The following ST7L variants were observed in gnomAD, a reference collection of about 807,000 sequenced individuals.
ST7L encodes the protein suppressor of tumorigenicity 7 protein-like.
Under a neutral mutation model 72.5 loss-of-function variants are expected in ST7L, and 57 were observed. The observed-to-expected ratio is 0.79, with a 90% CI of 0.64 to 0.98. The LOEUF is 0.98. ST7L is among the 50% of genes least tolerant of loss of function. The pLI is 0.00. For synonymous variants in ST7L, 221 were observed against 240.9 expected (o/e 0.92, Z 0.77); for missense variants, 576 against 672.2 (o/e 0.86, Z 1.58).
intron 6 of ST7L, among the ~76,000 whole-genome samples, chr1:112,587,691 T>C (rs1665070103): frequency 6.6e-6 from 1 of 152,240 alleles, no homozygotes; most frequent in Non-Finnish European, 1.5e-5. Flanking sequence ...GATCTAGGTG[T>C]CTATCCTTGT....
chr1:112,553,854 G>A (rs773022770), intron 12 of ST7L, among the ~76,000 whole-genome samples: 2 of 152,180 alleles, frequency 1.3e-5, no homozygotes, highest in African/African-American at 2.4e-5. Context: ...AGTGATATCT[G>A]ACAGATGTTG....
chr1:112,575,046 A>G (rs545840421), intron 11 of ST7L, among the ~76,000 whole-genome samples: 2 of 151,990 alleles, frequency 1.3e-5, no homozygotes, highest in South Asian at 4.2e-4. Context: ...AGACCATACT[A>G]GCTAACATGG....
At chr1:112,599,073 A>AAAAAAAAAATATAT (rs1190968815) in intron 4 of ST7L, among the ~76,000 whole-genome samples, 8 of 57,002 alleles carry the variant, frequency 1.4e-4, no homozygotes, top group Non-Finnish European at 2.5e-4. Context: ...AAAAAAAAAA[A>AAAAAAAAAATATAT]ATATATATAT....
chr1:112,566,600 A>C lies in ST7L; in HGVS notation c.1245+10386T>G, dbSNP rs532034057. On this transcript the variant is annotated intron_variant, in intron 11 of 14. Coordinates refer to ENST00000358039, the MANE Select transcript of ST7L (RefSeq NM_017744.5). ...GCATGAGCCACTGCGCCTGGCCATC[A>C]AAACGTATCTTCTTTCACTCCAGGA... 2.0e-5 allele frequency among the ~76,000 whole-genome samples: 3 copies of C among 152,218 alleles called. No homozygotes were observed. In the South Asian group the frequency reaches 6.2e-4, roughly 32 times the overall value.
intron 3 of ST7L, among the ~76,000 whole-genome samples, chr1:112,604,389 A>G (rs1667878336): frequency 1.3e-5 from 2 of 152,144 alleles, no homozygotes; most frequent in Non-Finnish European, 2.9e-5. Context: ...TCTAAAGGCC[A>G]AAGTTTCATC....
intron 12 of ST7L, among the ~76,000 whole-genome samples, chr1:112,550,947 T>A (rs530245109): frequency 1.6e-4 from 24 of 152,182 alleles, no homozygotes; most frequent in Non-Finnish European, 3.1e-4. Flanking sequence ...CTTCTTTGCT[T>A]CATTCAGTCT....
At chr1:112,551,664 C>A (rs945530459) in intron 12 of ST7L, among the ~76,000 whole-genome samples, 4 of 152,196 alleles carry the variant, frequency 2.6e-5, no homozygotes, top group Admixed American at 2.6e-4. Context: ...TAGTCCCTTG[C>A]AGGAAAAGTT....
Position 112,537,763 on chromosome 1 carries a change from A to G in ST7L, c.1629+4188T>C, listed in dbSNP as rs1250402591. 4.6e-5 allele frequency among the ~76,000 whole-genome samples: 7 copies of G among 152,192 alleles called. No individual in the cohort carries two copies. In the East Asian group the frequency reaches 1.3e-3, roughly 29 times the overall value. ...CCAGGGATTTATGCAACACTTTTTCATTGCTCTGTGTCTAATGTCAGACTA... is the reference window on the plus strand; with the variant it reads ...CCAGGGATTTATGCAACACTTTTTCGTTGCTCTGTGTCTAATGTCAGACTA... On this transcript the variant is annotated intron_variant, in intron 14 of 14. Coordinates refer to ENST00000358039, the MANE Select transcript of ST7L (RefSeq NM_017744.5).
At chr1:112,521,125 T>C (rs1652845330), downstream of ST7L, 1 of 153,246 alleles carries the variant, frequency 6.5e-6, no homozygotes, top group Non-Finnish European at 1.5e-5. Flanking sequence ...CAAACACACA[T>C]TCATTCTCTC....
downstream of ST7L, chr1:112,520,592 C>T: frequency 2.2e-6 from 3 of 1,375,644 alleles, no homozygotes; most frequent in Non-Finnish European, 3.0e-6. Context: ...CCTTCCTCCA[C>T]CCTCCACCCT....
rs777969643 is a variant in ST7L at position 112,565,211 on chromosome 1, A to ATTTTTT, written c.1246-9199_1246-9194dup. Among the ~76,000 whole-genome samples, 367 of 57,946 alleles carry ATTTTTT rather than the reference A, an allele frequency of 6.3e-3. 19 individuals are homozygous for ATTTTTT. The highest frequency in any genetic ancestry group is 0.022 in the African/African-American group (257 of 11,646). 38.0% of individuals were successfully genotyped at this position (57,946 alleles called of 152,430 possible). On this transcript the variant is annotated intron_variant, in intron 11 of 14. Coordinates refer to ENST00000358039, the MANE Select transcript of ST7L (RefSeq NM_017744.5). ...AGGCGCCCACCACCATGTTCGGCTAATTTTTTTTTTTTTTTTTTTTTTTTT... is the reference window on the plus strand; with the variant it reads ...AGGCGCCCACCACCATGTTCGGCTAATTTTTTTTTTTTTTTTTTTTTTTTTTTTTTT...
At position 112,547,561 on chromosome 1, in the gene ST7L, CTTTTTT is replaced by C. The variant is rs59755766; in HGVS notation, c.1489+3034_1489+3039del. 1.1e-4 allele frequency among the ~76,000 whole-genome samples: 7 copies of C among 62,028 alleles called. No individual in the cohort carries two copies. The East Asian group carries it at 2.5e-3, about 23-fold the overall frequency. 40.7% of individuals were successfully genotyped at this position (62,028 alleles called of 152,430 possible). ...ACACATTGTCTGTCATCTTTGTCATCTTTTTTTTTTTTTTTTTTTTTTTTTTGGAGA... is the reference window on the plus strand; with the variant it reads ...ACACATTGTCTGTCATCTTTGTCATCTTTTTTTTTTTTTTTTTTTTGGAGA... On this transcript the variant is annotated intron_variant, in intron 13 of 14. Transcript: ENST00000358039.
chr1:112,618,989 G>GCC lies in ST7L; in HGVS notation c.123_124dup (p.Ala42GlyfsTer16). 3 of 1,611,478 alleles carry GCC rather than the reference G, an allele frequency of 1.9e-6. No individual in the cohort carries two copies. Among genetic ancestry groups the GCC allele is most frequent in the Non-Finnish European group, 2.5e-6 (3 of 1,178,886 alleles). On this transcript the variant is annotated frameshift_variant, in exon 1 of 15. Coordinates refer to ENST00000358039, the MANE Select transcript of ST7L (RefSeq NM_017744.5). LOFTEE classifies it high-confidence loss of function. ...CAGCCCCGCCACGAACCACAACGAG[G>GCC]CCCCAGTCCCCGCCAGCCCGGCCCG... is the stretch of plus-strand genomic sequence containing the variant.
intron 11 of ST7L, among the ~76,000 whole-genome samples, chr1:112,560,263 G>C (rs1012150085): frequency 6.6e-6 from 1 of 151,988 alleles, no homozygotes; most frequent in East Asian, 1.9e-4. Context: ...GCGTGGTGGC[G>C]GGCGCCTGTA....
Position 112,550,646 on chromosome 1 carries a change from G to C in ST7L, c.1444C>G (p.Pro482Ala). The C allele has an allele frequency of 6.2e-7, 1 of 1,613,184 alleles. No homozygotes were observed. The change falls in exon 13 of 15, where the codon CCT becomes GCT. Residue 482 changes from proline (P) to alanine (A), a missense_variant. Pro to Ala is a conservative substitution (Grantham distance 27, BLOSUM62 -1). Coordinates refer to ENST00000358039, the MANE Select transcript of ST7L (RefSeq NM_017744.5). ...GCCGTCTCTGTGCAGCTGGGATAAG[G>C]GTAAAATAGATGTCCTTTCTCTAAC... ...YPLEKGHLFY[P>A]YPSCTETADR...
chr1:112,582,473 C>T lies in ST7L; in HGVS notation c.857-1G>A. 1 of 1,578,468 alleles carries T rather than the reference C, an allele frequency of 6.3e-7. No individual in the cohort carries two copies. Reference sequence around the variant, plus strand: ...TATACCAGTACATTGGTATCTCTCCCTATTTAGAAAAACAAAAAAATGATA... The same window carrying T: ...TATACCAGTACATTGGTATCTCTCCTTATTTAGAAAAACAAAAAAATGATA... On this transcript the variant is annotated splice_acceptor_variant, in intron 7 of 14. Transcript: ENST00000358039. LOFTEE classifies it high-confidence loss of function.
chr1:112,600,123 C>T lies in ST7L; in HGVS notation c.506+671G>A, dbSNP rs559375593. Among the ~76,000 whole-genome samples, 175 of 152,254 alleles carry T rather than the reference C, an allele frequency of 1.1e-3. 3 individuals carry two copies. Among genetic ancestry groups the T allele is most frequent in the Non-Finnish European group, 1.5e-3 (101 of 68,032 alleles). On this transcript the variant is annotated intron_variant, in intron 4 of 14. Transcript: ENST00000358039. ...TGGCGTCATCTCAGCTCACTGCAAC[C>T]GTTGCCTCCTGGGTTCAAGTGATTC...
At chr1:112,579,166 C>T (rs1166470927) in intron 9 of ST7L, among the ~76,000 whole-genome samples, 2 of 151,920 alleles carry the variant, frequency 1.3e-5, no homozygotes, top group Admixed American at 1.3e-4. Flanking sequence ...GGGTGGATCA[C>T]GAGGTCAGGA....
chr1:112,578,370 A>G lies in ST7L; in HGVS notation c.1117T>C (p.Leu373=). 1 of 1,614,200 alleles carries G rather than the reference A, an allele frequency of 6.2e-7. No individual in the cohort carries two copies. The highest frequency in any genetic ancestry group is 1.1e-5 in the South Asian group (1 of 91,086). The change falls in exon 10 of 15, where the codon TTG becomes CTG. Residue 373 remains leucine (L), a synonymous_variant. Coordinates refer to ENST00000358039, the MANE Select transcript of ST7L (RefSeq NM_017744.5). ...TTTTCTGAAACAGTCCTTGTCTTCA[A>G]CAGTGCTGCTGTGTAACAGATTGCT... ...SAAICYTAAL[L]KTRTVSEKFS... is the part of the protein sequence containing the mutation.
Sources: gnomAD v4.1 joint callset for allele counts (sites outside exome capture counted in the v4.1 genomes callset) on GRCh38, gnomAD v4.1.1 for gene constraint, MANE v1.5 for transcripts, NCBI Gene and HGNC (gene_info 2026-07-23, HGNC 2026-07-21) for gene names.